EPAS1: variants seen among roughly 807,000 people sequenced by gnomAD.
EPAS1 encodes the protein endothelial PAS domain-containing protein 1.
In EPAS1, 23 loss-of-function variants were observed where a neutral mutation model predicts 87.9. That is an observed-to-expected ratio of 0.26 (90% CI 0.19 to 0.37). EPAS1 has a LOEUF of 0.37. Ranked by LOEUF, EPAS1 falls within the 10% of genes least tolerant of loss-of-function variation. The pLI, the probability that EPAS1 is intolerant of heterozygous loss-of-function variation, is 1.00. For synonymous variants in EPAS1, 508 were observed against 444.3 expected (o/e 1.14, Z -1.80); for missense variants, 1,138 against 1,120.7 (o/e 1.02, Z -0.22).
At chr2:46,368,594 T>A (rs1002502304) in intron 6 of EPAS1, among the ~76,000 whole-genome samples, 2 of 152,148 alleles carry the variant, frequency 1.3e-5, no homozygotes, top group African/African-American at 4.8e-5. Flanking sequence ...TTGACCTGTT[T>A]GGGGGGTGGG....
chr2:46,371,194 A>G lies in EPAS1; in HGVS notation c.886+1261A>G, dbSNP rs185104602. 1.3e-5 allele frequency among the ~76,000 whole-genome samples: 2 copies of G among 152,290 alleles called. No homozygotes were observed. ...AAGATTCCCAGTGGCCCTGCTGGCA[A>G]TGGAGAAAACGGAAGGGCAGCCATT... On this transcript the variant is annotated intron_variant, in intron 7 of 15. Transcript: ENST00000263734. This position sits in a 1 kb window ranked among gnomAD's most constrained non-coding sequence, Gnocchi z 4.3.
At chr2:46,338,742 G>C (rs912609285) in intron 1 of EPAS1, among the ~76,000 whole-genome samples, 3 of 152,234 alleles carry the variant, frequency 2.0e-5, no homozygotes, top group African/African-American at 7.2e-5. Context: ...GCAGCCTAGA[G>C]AGAGCTGGCC....
In EPAS1 at chr2:46,380,240, A is replaced by C. The variant is rs1335877576; in HGVS notation, c.1568A>C (p.Glu523Ala). 6.2e-7 allele frequency: 1 copy of C among 1,612,134 alleles called. No individual in the cohort carries two copies. Among genetic ancestry groups the C allele is most frequent in the East Asian group, 2.2e-5 (1 of 44,876 alleles). ...GTCTCCCCTCAGACGGATTTCAATG[A>C]GCTGGACTTGGAGACACTGGCACCC... ...DQCSTQTDFNELDLETLAPYI... is the reference protein window; with the variant it reads ...DQCSTQTDFNALDLETLAPYI... The change falls in exon 12 of 16, where the codon GAG (glutamate) becomes GCG (alanine). Residue 523 changes from glutamate to alanine, a missense_variant. Physicochemically the swap from Glu to Ala is moderately radical, Grantham distance 107. Coordinates refer to ENST00000263734, the MANE Select transcript of EPAS1 (RefSeq NM_001430.5). The surrounding 1 kb of genome is among the most constrained non-coding windows in gnomAD (Gnocchi z 4.4).
At position 46,347,584 on chromosome 2, in the gene EPAS1, C is replaced by A; in HGVS notation, c.217+521C>A. 1 of 196,800 alleles carries A rather than the reference C, an allele frequency of 5.1e-6. No individual in the cohort carries two copies. The allele number at this position is 196,800 out of a possible 1,614,324, so 12.2% of individuals were successfully genotyped here. On this transcript the variant is annotated intron_variant, in intron 2 of 15. Transcript: ENST00000263734. The surrounding 1 kb of genome is among the most constrained non-coding windows in gnomAD (Gnocchi z 4.2). The stretch of plus-strand genomic sequence containing the variant: ...AATGGGGTTAAACATACTTCTTGCC[C>A]AGGGTGTCGGTGAGAATGGACTGAA...
intron 1 of EPAS1, among the ~76,000 whole-genome samples, chr2:46,328,455 C>A (rs906405420): frequency 3.9e-5 from 6 of 152,174 alleles, no homozygotes; most frequent in African/African-American, 1.4e-4. Flanking sequence ...CAAGCTTGAA[C>A]TCCCTGGCCT....
chr2:46,312,646 G>A (rs991231541), intron 1 of EPAS1, among the ~76,000 whole-genome samples: 12 of 152,050 alleles, frequency 7.9e-5, no homozygotes, highest in Non-Finnish European at 1.3e-4. Flanking sequence ...AAAGCTAGGG[G>A]ACTCTTGCTC....
chr2:46,336,016 T>C (rs1001774872), intron 1 of EPAS1: 31 of 152,288 alleles, frequency 2.0e-4, no homozygotes, highest in African/African-American at 7.2e-4. Flanking sequence ...GCCTTCCCGA[T>C]GCTTTAACTC....
In EPAS1 at chr2:46,384,520, C is replaced by T. The variant is rs753610303; in HGVS notation, c.2473C>T (p.Arg825Trp). The change falls in exon 16 of 16, where the codon CGG (arginine) becomes TGG (tryptophan). Residue 825 changes from arginine to tryptophan, a missense_variant. By Grantham distance (101) the Arg-to-Trp change is moderately radical. This residue lies in a region of EPAS1 where 502 missense variants were observed against 427.1 expected (regional missense o/e 1.18). Transcript: ENST00000263734. ...AACCCTTCTTTCAGGCATGGCAAGCCGGCTGCTCGGGCCCTCATTTGAGTC... is the reference window on the plus strand; with the variant it reads ...AACCCTTCTTTCAGGCATGGCAAGCTGGCTGCTCGGGCCCTCATTTGAGTC... ...SAHKVSGMASRLLGPSFESYL... is the reference protein window; with the variant it reads ...SAHKVSGMASWLLGPSFESYL... 45 of 1,614,086 alleles carry T rather than the reference C, an allele frequency of 2.8e-5. No homozygotes were observed. The East Asian group carries it at 4.2e-4, about 15-fold the overall frequency.
Position 46,347,077 on chromosome 2 carries a change from G to A in EPAS1, c.217+14G>A, listed in dbSNP as rs377637593. 17 of 1,613,976 alleles carry A rather than the reference G, an allele frequency of 1.1e-5. No homozygotes were observed. In the African/African-American group the frequency reaches 1.7e-4, roughly 16 times the overall value. ...TCCTCTCCTCAGGTAAGGCCAGCAG[G>A]CTCCCCTAGGCTGGGCAGATGCCAG... On this transcript the variant is annotated intron_variant, in intron 2 of 15. Coordinates refer to ENST00000263734, the MANE Select transcript of EPAS1 (RefSeq NM_001430.5). This position sits in a 1 kb window ranked among gnomAD's most constrained non-coding sequence, Gnocchi z 4.2.
chr2:46,341,870 C>G (rs1683920011), intron 1 of EPAS1, among the ~76,000 whole-genome samples: 1 of 152,234 alleles, frequency 6.6e-6, no homozygotes. Context: ...TTAAATGCAT[C>G]TGGCCCCAGT....
In EPAS1 at chr2:46,346,153, C is replaced by T. The variant is rs1189183809; in HGVS notation, c.27-720C>T. 6.6e-6 allele frequency among the ~76,000 whole-genome samples: 1 copy of T among 152,210 alleles called. No individual in the cohort carries two copies. The highest frequency in any genetic ancestry group is 2.4e-5 in the African/African-American group (1 of 41,462). On this transcript the variant is annotated intron_variant, in intron 1 of 15. Transcript: ENST00000263734. This position sits in a 1 kb window ranked among gnomAD's most constrained non-coding sequence, Gnocchi z 4.0. ...AAAAGAGGCAGGCTTCAGTGCGTGT[C>T]ATCTTTCGTTCCATCCTGCAGCAAA...
At position 46,300,347 on chromosome 2, in the gene EPAS1, C is replaced by G; in HGVS notation, c.26+2410C>G. Among the ~76,000 whole-genome samples, 1 of 152,200 alleles carries G rather than the reference C, an allele frequency of 6.6e-6. No homozygotes were observed. Among genetic ancestry groups the G allele is most frequent in the Non-Finnish European group, 1.5e-5 (1 of 68,044 alleles). ...CTTTGGTTTAGCAGAGCAGTTTCTTCCCCCAAATGCAATATGGGCAGAACA... is the reference window on the plus strand; with the variant it reads ...CTTTGGTTTAGCAGAGCAGTTTCTTGCCCCAAATGCAATATGGGCAGAACA... On this transcript the variant is annotated intron_variant, in intron 1 of 15. Coordinates refer to ENST00000263734, the MANE Select transcript of EPAS1 (RefSeq NM_001430.5). This position sits in a 1 kb window ranked among gnomAD's most constrained non-coding sequence, Gnocchi z 4.1.
chr2:46,369,145 C>T (rs1196122798), intron 6 of EPAS1, among the ~76,000 whole-genome samples: 1 of 152,104 alleles, frequency 6.6e-6, no homozygotes. Context: ...AATATTTCTT[C>T]CTCTCAGCAC....
chr2:46,327,073 G>T (rs1212832632), intron 1 of EPAS1, among the ~76,000 whole-genome samples: 1 of 152,238 alleles, frequency 6.6e-6, no homozygotes, highest in East Asian at 1.9e-4. Flanking sequence ...AGGACCAGCA[G>T]GGGCCGTGCT....
In EPAS1 at chr2:46,341,575, C is replaced by A. The variant is rs1412776601; in HGVS notation, c.27-5298C>A. Among the ~76,000 whole-genome samples the A allele has an allele frequency of 3.3e-5, 5 of 152,214 alleles. No homozygotes were observed. The East Asian group carries it at 9.6e-4, about 29-fold the overall frequency. On this transcript the variant is annotated intron_variant, in intron 1 of 15. Coordinates refer to ENST00000263734, the MANE Select transcript of EPAS1 (RefSeq NM_001430.5). ...AGCATCTGGTACAGTGGTGATCACA[C>A]CAACTCCTAGATAAATGACTGTTTG...
At chr2:46,345,380 CAAAA>C (rs888513055) in intron 1 of EPAS1, among the ~76,000 whole-genome samples, 3 of 151,828 alleles carry the variant, frequency 2.0e-5, no homozygotes, top group African/African-American at 7.3e-5. Flanking sequence ...AAACAAAAAC[CAAAA>C]AAACTCCCTT....
intron 2 of EPAS1, 86 bp from the exon 3 acceptor site, chr2:46,356,065 C>A: frequency 6.9e-7 from 1 of 1,442,398 alleles, no homozygotes; most frequent in Non-Finnish European, 9.7e-7. Flanking sequence ...GCCTTTGCAC[C>A]ATCCCTGGCA....
intron 15 of EPAS1, among the ~76,000 whole-genome samples, chr2:46,383,819 T>G (rs567261147): frequency 6.6e-6 from 1 of 152,262 alleles, no homozygotes; most frequent in Admixed American, 6.5e-5. Context: ...GAGGCAGGCA[T>G]GGACCCCAGC....
In EPAS1 at chr2:46,359,893, G is replaced by A. The variant is rs1214392265; in HGVS notation, c.455-745G>A. On this transcript the variant is annotated intron_variant, in intron 4 of 15. Transcript: ENST00000263734. ...AAAAAGTGGAAAATGGTTCTGAATC[G>A]GGAGGCTGTTTGGCAACTATAAGGA... Among the ~76,000 whole-genome samples the A allele has an allele frequency of 3.9e-5, 6 of 152,262 alleles. No homozygotes were observed. The South Asian group carries it at 6.2e-4, about 16-fold the overall frequency.
Sources: allele counts gnomAD v4.1 joint callset (sites outside exome capture counted in the v4.1 genomes callset), GRCh38; gene constraint gnomAD v4.1.1; regional missense constraint gnomAD v4.1.1; non-coding constraint Gnocchi (gnomAD v3.1); transcripts MANE v1.5; gene names NCBI Gene and HGNC (gene_info 2026-07-23, HGNC 2026-07-21).